The following ZNF608 variants were observed in gnomAD, a reference collection of about 807,000 sequenced individuals.
ZNF608 encodes zinc finger protein 608, also known as renal carcinoma antigen NY-REN-36.
Under a neutral mutation model 109.0 loss-of-function variants are expected in ZNF608, and 12 were observed. The observed-to-expected ratio is 0.11, with a 90% CI of 0.07 to 0.18. ZNF608 has a LOEUF of 0.18. Ranked by LOEUF, ZNF608 falls within the 10% of genes least tolerant of loss-of-function variation. ZNF608 has a pLI of 1.00. For missense variants in ZNF608, 1,707 were observed against 1,879.3 expected (o/e 0.91, Z 1.70); for synonymous variants, 732 against 717.4 (o/e 1.02, Z -0.33).
At chr5:124,731,868 G>A (rs1279913918) in intron 2 of ZNF608, among the ~76,000 whole-genome samples, 2 of 152,120 alleles carry the variant, frequency 1.3e-5, no homozygotes, top group African/African-American at 2.4e-5. Flanking sequence ...ATTAACAGAA[G>A]TAAAATCCAG....
chr5:124,667,974 T>A (rs1751549089), intron 3 of ZNF608, among the ~76,000 whole-genome samples: 1 of 152,046 alleles, frequency 6.6e-6, no homozygotes, highest in African/African-American at 2.4e-5. Flanking sequence ...GGTCACGTGC[T>A]AAATATACAT....
chr5:124,744,429 G>C lies in ZNF608; in HGVS notation c.561C>G (p.Ser187Arg). 1 of 1,614,216 alleles carries C rather than the reference G, an allele frequency of 6.2e-7. No homozygotes were observed. Among genetic ancestry groups the C allele is most frequent in the South Asian group, 1.1e-5 (1 of 91,088 alleles). Residue 187 changes from serine (S) to arginine (R), a missense_variant, in exon 2 of 10, where the codon AGC (serine) becomes AGG (arginine). Coordinates refer to ENST00000513986, the MANE Select transcript of ZNF608 (RefSeq NM_020747.3). The surrounding 1 kb of genome is among the most constrained non-coding windows in gnomAD (Gnocchi z 4.5). Reference sequence around the variant, plus strand: ...GGCTTTTACCTGGCTTCTCCTCTTTGCTTTTCCCACAGGAGCCTGCCCCCG... The same window carrying C: ...GGCTTTTACCTGGCTTCTCCTCTTTCCTTTTCCCACAGGAGCCTGCCCCCG... ...ATAGAGSCGK[S>R]KEEKPGKSQS...
chr5:124,641,062 T>C (rs1490134891), intron 8 of ZNF608, among the ~76,000 whole-genome samples, 190 bp downstream of exon 8: 1 of 152,194 alleles, frequency 6.6e-6, no homozygotes, highest in Non-Finnish European at 1.5e-5. Flanking sequence ...GTGGTAGCCA[T>C]TTCATGTCTC....
intron 3 of ZNF608, among the ~76,000 whole-genome samples, chr5:124,670,194 C>A (rs947912004): frequency 2.6e-5 from 4 of 152,062 alleles, no homozygotes; most frequent in African/African-American, 9.7e-5. Context: ...GATGACGGAG[C>A]CCAGCAATCC....
chr5:124,673,159 A>C, intron 3 of ZNF608, among the ~76,000 whole-genome samples: 1 of 152,192 alleles, frequency 6.6e-6, no homozygotes, highest in Admixed American at 6.5e-5. Context: ...GTATGAGCAT[A>C]GTTTGTGCAT....
At chr5:124,676,598 A>G (rs923832321) in intron 3 of ZNF608, among the ~76,000 whole-genome samples, 11 of 152,204 alleles carry the variant, frequency 7.2e-5, no homozygotes, top group African/African-American at 2.7e-4. Flanking sequence ...ATAGCCGCAC[A>G]CTATTTAAAG....
rs1561564262 is a variant in ZNF608 at position 124,693,972 on chromosome 5, A to ATGTTTTTTTTTTTTT, written c.1162+7041_1162+7042insAAAAAAAAAAAAACA. Among the ~76,000 whole-genome samples the ATGTTTTTTTTTTTTT allele has an allele frequency of 4.7e-4, 11 of 23,300 alleles. 2 individuals carry two copies. Among genetic ancestry groups the ATGTTTTTTTTTTTTT allele is most frequent in the African/African-American group, 2.6e-3 (11 of 4,312 alleles). The allele number at this position is 23,300 out of a possible 152,430, so 15.3% of individuals were successfully genotyped here. A position where few individuals can be genotyped will look rare whatever the true frequency, so the allele number is the denominator to read the frequency against. On this transcript the variant is annotated intron_variant, in intron 3 of 9. Coordinates refer to ENST00000513986, the MANE Select transcript of ZNF608 (RefSeq NM_020747.3). ...CTGTGAAGCTGGTAACATTTCATTA[A>ATGTTTTTTTTTTTTT]TCTTTTTTTTTTTTTTTTTTTGAGA... is the stretch of plus-strand genomic sequence containing the variant.
At chr5:124,643,727 C>T in intron 6 of ZNF608, 44 bp from the exon 7 acceptor site, 1 of 1,587,276 alleles carries the variant, frequency 6.3e-7, no homozygotes, top group Non-Finnish European at 8.6e-7. Flanking sequence ...CAGGCTATAT[C>T]TTTAAAAAAA....
At chr5:124,738,232 A>G (rs980057185) in intron 2 of ZNF608, among the ~76,000 whole-genome samples, 1 of 152,192 alleles carries the variant, frequency 6.6e-6, no homozygotes, top group African/African-American at 2.4e-5. Flanking sequence ...CAATGACTAC[A>G]TTAGGAGAGT....
chr5:124,642,737 C>T (rs769377784), intron 7 of ZNF608, among the ~76,000 whole-genome samples: 4 of 124,950 alleles, frequency 3.2e-5, no homozygotes, highest in African/African-American at 6.2e-5. Flanking sequence ...CTTGCTCTGT[C>T]GCCCACGCTA....
chr5:124,678,284 T>C (rs1752043402), intron 3 of ZNF608, among the ~76,000 whole-genome samples: 1 of 152,170 alleles, frequency 6.6e-6, no homozygotes, highest in Non-Finnish European at 1.5e-5. Context: ...AAACTTCAAC[T>C]CTCAGTACCC....
Position 124,666,177 on chromosome 5 carries a change from T to A in ZNF608, c.1163-16480A>T, listed in dbSNP as rs375516102. 38 of 152,378 alleles carry A rather than the reference T, an allele frequency of 2.5e-4. No homozygotes were observed. In the East Asian group the frequency reaches 5.0e-3, roughly 20 times the overall value. 9.4% of individuals were successfully genotyped at this position (152,378 alleles called of 1,614,324 possible). A position where few individuals can be genotyped will look rare whatever the true frequency, so the allele number is the denominator to read the frequency against. On this transcript the variant is annotated intron_variant, in intron 3 of 9. Transcript: ENST00000513986. ...TTAAAGCCATAGTTTTCAATCTGCA[T>A]GTGTGATCACCAGAAATTGATTTCA... is the stretch of plus-strand genomic sequence containing the variant.
chr5:124,712,365 G>A (rs1753531567), intron 2 of ZNF608, among the ~76,000 whole-genome samples: 1 of 152,220 alleles, frequency 6.6e-6, no homozygotes, highest in African/African-American at 2.4e-5. Flanking sequence ...TCAGGCGAAT[G>A]GACAGAATTA....
intron 3 of ZNF608, among the ~76,000 whole-genome samples, chr5:124,692,716 A>G (rs1465916510): frequency 6.6e-6 from 1 of 152,198 alleles, no homozygotes. Flanking sequence ...AGTGTGTTCA[A>G]ATTCAGACTC....
intron 2 of ZNF608, among the ~76,000 whole-genome samples, chr5:124,737,705 T>G (rs1749214141): frequency 6.6e-6 from 1 of 152,198 alleles, no homozygotes; most frequent in African/African-American, 2.4e-5. Context: ...CAAGAAAAAT[T>G]TAGCAAATAT....
chr5:124,687,924 C>T (rs1317263661), intron 3 of ZNF608, among the ~76,000 whole-genome samples: 1 of 152,128 alleles, frequency 6.6e-6, no homozygotes, highest in Non-Finnish European at 1.5e-5. Context: ...GGCAGGACAG[C>T]ACTTGGGCAT....
intron 3 of ZNF608, among the ~76,000 whole-genome samples, chr5:124,685,174 AAAG>A (rs993098228): frequency 9.9e-5 from 15 of 152,052 alleles, no homozygotes; most frequent in African/African-American, 3.4e-4. Context: ...TGTATCCAAA[AAAG>A]AAGTTCATAC....
intron 2 of ZNF608, among the ~76,000 whole-genome samples, chr5:124,701,597 T>C (rs990217896): frequency 6.6e-6 from 1 of 152,216 alleles, no homozygotes; most frequent in African/African-American, 2.4e-5. Context: ...TAAGGCTACT[T>C]CTCACATGTA....
chr5:124,708,629 G>A, intron 2 of ZNF608: 1 of 438,796 alleles, frequency 2.3e-6, no homozygotes, highest in Non-Finnish European at 4.6e-6. Context: ...TTGTTTTATT[G>A]TTGTTGTTTT....
Sources: allele counts gnomAD v4.1 joint callset (sites outside exome capture counted in the v4.1 genomes callset), GRCh38; gene constraint gnomAD v4.1.1; non-coding constraint Gnocchi (gnomAD v3.1); transcripts MANE v1.5; gene names NCBI Gene and HGNC (gene_info 2026-07-23, HGNC 2026-07-21).